The following DPP10 variants were observed in gnomAD, a reference collection of about 807,000 sequenced individuals.
DPP10 encodes the protein dipeptidyl peptidase like 10.
Under a neutral mutation model 120.9 loss-of-function variants are expected in DPP10, and 33 were observed. The observed-to-expected ratio is 0.27, with a 90% CI of 0.21 to 0.37. The LOEUF is 0.37. DPP10 is among the 10% of genes least tolerant of loss of function. The pLI is 1.00. For missense variants in DPP10, 816 were observed against 942.8 expected (o/e 0.87, Z 1.76); for synonymous variants, 337 against 326.1 (o/e 1.03, Z -0.36).
chr2:115,355,476 A>T (rs909887198), intron 3 of DPP10, among the ~76,000 whole-genome samples: 1 of 152,052 alleles, frequency 6.6e-6, no homozygotes, highest in African/African-American at 2.4e-5. Flanking sequence ...AGATGGGTAT[A>T]TTGCAAAAAT....
chr2:115,498,714 T>TTA (rs144251490), intron 3 of DPP10, among the ~76,000 whole-genome samples: 2 of 146,536 alleles, frequency 1.4e-5, no homozygotes, highest in African/African-American at 5.0e-5. Flanking sequence ...TTATGTATAA[T>TTA]TATATATATA....
chr2:114,549,292 G>A (rs954410763), intron 1 of DPP10, among the ~76,000 whole-genome samples: 5 of 151,964 alleles, frequency 3.3e-5, no homozygotes, highest in East Asian at 3.9e-4. Flanking sequence ...TCTCAACCCC[G>A]TCTCCAGGTA....
At chr2:114,559,640 C>G (rs1688596830) in intron 1 of DPP10, among the ~76,000 whole-genome samples, 1 of 152,062 alleles carries the variant, frequency 6.6e-6, no homozygotes. Context: ...TAGCTAGATT[C>G]CCCAATTCAC....
rs553377599 is a variant in DPP10 at position 114,898,504 on chromosome 2, CAAAAT to C, written c.61-410730_61-410726del. 6.5e-3 allele frequency among the ~76,000 whole-genome samples: 961 copies of C among 146,862 alleles called. 12 individuals are homozygous for C. Among genetic ancestry groups the C allele is most frequent in the African/African-American group, 0.023 (920 of 39,902 alleles). ...CCTAAAACTTAAAGTATAATAATAA[CAAAAT>C]AAAAAAAAAAATAAAGGTGGTAGGA... On this transcript the variant is annotated intron_variant, in intron 1 of 25. Coordinates refer to ENST00000410059, the MANE Select transcript of DPP10 (RefSeq NM_020868.6).
At chr2:114,490,183 A>G (rs1051319173) in intron 1 of DPP10, among the ~76,000 whole-genome samples, 1 of 152,160 alleles carries the variant, frequency 6.6e-6, no homozygotes, top group Admixed American at 6.5e-5. Flanking sequence ...TAACAGTTCC[A>G]TTAGAGAATC....
intron 1 of DPP10, among the ~76,000 whole-genome samples, chr2:115,014,929 G>A (rs1702526994): frequency 6.7e-6 from 1 of 150,208 alleles, no homozygotes; most frequent in South Asian, 2.1e-4. Flanking sequence ...GGTACAAAGA[G>A]GAGCTGGTAC....
chr2:114,914,905 G>A (rs1694655970), intron 1 of DPP10, among the ~76,000 whole-genome samples: 1 of 152,182 alleles, frequency 6.6e-6, no homozygotes, highest in African/African-American at 2.4e-5. Context: ...GCCGAGGCGG[G>A]CGGATCATGA....
intron 7 of DPP10, among the ~76,000 whole-genome samples, chr2:115,723,344 T>C (rs927973290): frequency 6.6e-6 from 1 of 152,198 alleles, no homozygotes; most frequent in African/African-American, 2.4e-5. Flanking sequence ...TTTGGTTTTC[T>C]CTCTTGCTTT....
intron 19 of DPP10, among the ~76,000 whole-genome samples, chr2:115,803,999 T>C (rs1685597756): frequency 6.6e-6 from 1 of 152,180 alleles, no homozygotes; most frequent in Admixed American, 6.5e-5. Context: ...TTGGGGAAGT[T>C]CTCCTGGATA....
intron 1 of DPP10, among the ~76,000 whole-genome samples, chr2:114,904,832 G>A (rs1451500970): frequency 2.0e-5 from 3 of 152,210 alleles, no homozygotes; most frequent in African/African-American, 4.8e-5. Context: ...GAGATTTTCA[G>A]GGCCACTACC....
chr2:114,722,102 A>G (rs1443816654), intron 1 of DPP10, among the ~76,000 whole-genome samples: 4 of 152,242 alleles, frequency 2.6e-5, no homozygotes, highest in Non-Finnish European at 5.9e-5. Context: ...TATAGATGTT[A>G]CTGACCAAAG....
At chr2:114,702,256 T>C (rs1016511279) in intron 1 of DPP10, among the ~76,000 whole-genome samples, 25 of 152,202 alleles carry the variant, frequency 1.6e-4, no homozygotes, top group African/African-American at 6.0e-4. Context: ...CAGGGGGGCA[T>C]GGTCAGAAGA....
intron 1 of DPP10, among the ~76,000 whole-genome samples, chr2:115,133,162 T>TATATATATATATATATAG: frequency 7.7e-6 from 1 of 129,676 alleles, no homozygotes; most frequent in African/African-American, 3.0e-5. Flanking sequence ...TATATATATA[T>TATATATATATATATATAG]ATATATATAT....
At chr2:115,686,342 T>C (rs146956093) in intron 5 of DPP10, among the ~76,000 whole-genome samples, 2 of 152,042 alleles carry the variant, frequency 1.3e-5, no homozygotes, top group African/African-American at 2.4e-5. Context: ...TGGCTATGAG[T>C]TCAATGTTAA....
intron 19 of DPP10, among the ~76,000 whole-genome samples, chr2:115,804,525 G>C (rs1178966745): frequency 1.3e-5 from 2 of 152,076 alleles, no homozygotes; most frequent in African/African-American, 4.8e-5. Context: ...TAGAGTTTCT[G>C]GTTTTTCTGC....
chr2:115,080,767 G>A (rs986655597), intron 1 of DPP10, among the ~76,000 whole-genome samples: 1 of 152,054 alleles, frequency 6.6e-6, no homozygotes, highest in African/African-American at 2.4e-5. Context: ...GATGCACCTG[G>A]AATCATTTTC....
At chr2:115,004,779 C>T (rs556878506) in intron 1 of DPP10, among the ~76,000 whole-genome samples, 49 of 152,204 alleles carry the variant, frequency 3.2e-4, no homozygotes, top group South Asian at 1.5e-3. Context: ...AAGGCGGCAG[C>T]GAGGCTGGGG....
At position 114,722,170 on chromosome 2, in the gene DPP10, C is replaced by T. The variant is rs532142775; in HGVS notation, c.60+279332C>T. 3.9e-5 allele frequency among the ~76,000 whole-genome samples: 6 copies of T among 152,110 alleles called. No individual in the cohort carries two copies. The South Asian group carries it at 6.2e-4, about 16-fold the overall frequency. On this transcript the variant is annotated intron_variant, in intron 1 of 25. Transcript: ENST00000410059. ...AAAGCTATCATAAAGACCCTGAATA[C>T]GGAGAGGAGAAACCAAGAAGAAAAT...
At chr2:115,320,495 AT>A (rs2062005581) in intron 2 of DPP10, among the ~76,000 whole-genome samples, 1 of 149,200 alleles carries the variant, frequency 6.7e-6, no homozygotes, top group Non-Finnish European at 1.5e-5. Context: ...TTCCTCTCGA[AT>A]TTTTTTTCTT....
Sources: allele counts gnomAD v4.1 joint callset (sites outside exome capture counted in the v4.1 genomes callset), GRCh38; gene constraint gnomAD v4.1.1; transcripts MANE v1.5; gene names NCBI Gene and HGNC (gene_info 2026-07-23, HGNC 2026-07-21).